Variants in CHD9 observed in about 807,000 individuals in gnomAD.
CHD9 encodes the protein ATP-dependent chromatin remodeler CHD9.
In CHD9, 77 loss-of-function variants were observed where a neutral mutation model predicts 316.1. The observed-to-expected ratio is 0.24, with a 90% CI of 0.20 to 0.29. CHD9 has a LOEUF of 0.29. Among genes scored for constraint, CHD9 ranks in the 10% least tolerant of loss-of-function variants. The probability of loss-of-function intolerance (pLI) is 1.00; values close to 1 mark genes in which losing one functional copy is unlikely to be tolerated. For missense variants in CHD9, 2,763 were observed against 3,438.1 expected (o/e 0.80, Z 4.91); for synonymous variants, 1,129 against 1,158.3 (o/e 0.97, Z 0.51).
intron 17 of CHD9, among the ~76,000 whole-genome samples, chr16:53,250,864 A>G (rs2050072482): frequency 6.6e-6 from 1 of 152,126 alleles, no homozygotes; most frequent in Non-Finnish European, 1.5e-5. Flanking sequence ...GAGAAGGGGA[A>G]AAGTAGAGTT....
At chr16:53,073,046 T>C (rs2152519607) in intron 1 of CHD9, among the ~76,000 whole-genome samples, 1 of 152,344 alleles carries the variant, frequency 6.6e-6, no homozygotes. Flanking sequence ...AATATATTCA[T>C]AGTGATGTGT....
At chr16:53,271,284 A>G (rs926044715) in intron 22 of CHD9, among the ~76,000 whole-genome samples, 1 of 152,194 alleles carries the variant, frequency 6.6e-6, no homozygotes, top group Non-Finnish European at 1.5e-5. Flanking sequence ...ACAAAAAACC[A>G]TTGGCTGGGC....
chr16:53,067,518 C>T (rs926824531), intron 1 of CHD9, among the ~76,000 whole-genome samples: 1 of 152,100 alleles, frequency 6.6e-6, no homozygotes, highest in African/African-American at 2.4e-5. Flanking sequence ...CTTAGTCTCC[C>T]ATTGACTGTG....
chr16:53,315,128 C>A, intron 36 of CHD9, 84 bp downstream of exon 36: 1 of 972,160 alleles, frequency 1.0e-6, no homozygotes, highest in Non-Finnish European at 1.5e-6. Flanking sequence ...TTCTCATCCA[C>A]TTATGCTAAA....
rs1212585905 is a variant in CHD9 at position 53,325,261 on chromosome 16, C to G, written c.*366C>G. The G allele has an allele frequency of 6.1e-6, 1 of 162,722 alleles. No individual in the cohort carries two copies. The highest frequency in any genetic ancestry group is 2.4e-5 in the African/African-American group (1 of 41,620). The allele number at this position is 162,722 out of a possible 1,614,324, so 10.1% of individuals were successfully genotyped here. On this transcript the variant is annotated 3_prime_UTR_variant, in exon 39 of 39. Transcript: ENST00000447540. ...ATTTAATTTGAATATAGTTTTACAGCCTCCTTGACACCTATAATTTACAGA... is the reference window on the plus strand; with the variant it reads ...ATTTAATTTGAATATAGTTTTACAGGCTCCTTGACACCTATAATTTACAGA...
chr16:53,209,918 G>A, intron 3 of CHD9, 105 bp downstream of exon 3: 1 of 778,190 alleles, frequency 1.3e-6, no homozygotes, highest in Non-Finnish European at 2.0e-6. Context: ...CCATATTTGA[G>A]TTTTAAATTG....
At position 53,172,950 on chromosome 16, in the gene CHD9, CT is replaced by C. The variant is rs1041751077; in HGVS notation, c.1452+15418del. 4.5e-4 allele frequency among the ~76,000 whole-genome samples: 68 copies of C among 150,904 alleles called. 1 individual carries two copies. The highest frequency in any genetic ancestry group is 1.6e-3 in the African/African-American group (65 of 41,112). On this transcript the variant is annotated intron_variant, in intron 2 of 38. Transcript: ENST00000447540. ...TATTTTCTCCCAGTCTGTGGGTTGC[CT>C]TTTTTTTTCTTAACAGCATGTTTTG...
chr16:53,208,329 G>A (rs2046045616), intron 2 of CHD9: 1 of 1,282,050 alleles, frequency 7.8e-7, no homozygotes, highest in African/African-American at 1.5e-5. Flanking sequence ...TGTCTTCAGT[G>A]AAGAGGCCAA....
At chr16:53,321,306 T>G (rs1231542958) in intron 37 of CHD9, 8 of 1,346,842 alleles carry the variant, frequency 5.9e-6, no homozygotes, top group Non-Finnish European at 7.7e-6. Flanking sequence ...CTAGTTATTC[T>G]ACTTAAAACA....
rs568768210 is a variant in CHD9, at chr16:53,261,233, A to G, written c.4210-1754A>G. Among the ~76,000 whole-genome samples the G allele has an allele frequency of 1.1e-4, 17 of 152,148 alleles. No homozygotes were observed. The East Asian group carries it at 3.3e-3, about 29-fold the overall frequency. ...GCTTTATTTTATATAAGCATCTTAA[A>G]AGCCAAACCTCAAAAGAATACTAGA... On this transcript the variant is annotated intron_variant, in intron 19 of 38. Coordinates refer to ENST00000447540, the MANE Select transcript of CHD9 (RefSeq NM_001308319.2).
chr16:53,104,922 C>T (rs147722141), intron 1 of CHD9, among the ~76,000 whole-genome samples: 99 of 151,980 alleles, frequency 6.5e-4, no homozygotes, highest in African/African-American at 2.0e-3. Flanking sequence ...GAGCCCCGAA[C>T]GCCTGGGCCC....
intron 3 of CHD9, among the ~76,000 whole-genome samples, chr16:53,220,130 G>A (rs1343596564): frequency 6.6e-6 from 1 of 152,126 alleles, no homozygotes; most frequent in East Asian, 1.9e-4. Context: ...GTGGTGAGAG[G>A]GAATGAAGTG....
chr16:53,181,115 A>G lies in CHD9; in HGVS notation c.1452+23574A>G, dbSNP rs568912728. ...AACCTCTGCCTTCCGGGTTCAAGCTATTCTCCTGCCTCAGCCTCCCGAGTA... is the reference window on the plus strand; with the variant it reads ...AACCTCTGCCTTCCGGGTTCAAGCTGTTCTCCTGCCTCAGCCTCCCGAGTA... On this transcript the variant is annotated intron_variant, in intron 2 of 38. Transcript: ENST00000447540. Among the ~76,000 whole-genome samples the G allele has an allele frequency of 1.7e-4, 26 of 149,454 alleles. No homozygotes were observed. In the South Asian group the frequency reaches 3.8e-3, roughly 22 times the overall value.
intron 1 of CHD9, among the ~76,000 whole-genome samples, chr16:53,074,883 C>T (rs1225987550): frequency 6.6e-6 from 1 of 152,226 alleles, no homozygotes; most frequent in Non-Finnish European, 1.5e-5. Context: ...CCTACTGGGA[C>T]ACTGCCTAGT....
chr16:53,225,530 A>G (rs919336658), intron 4 of CHD9, among the ~76,000 whole-genome samples: 3 of 152,172 alleles, frequency 2.0e-5, no homozygotes, highest in Admixed American at 6.5e-5. Flanking sequence ...AACAAATATT[A>G]GATATTTAGG....
Position 53,234,850 on chromosome 16 carries a change from T to C in CHD9, c.2512-335T>C, listed in dbSNP as rs138095252. Among the ~76,000 whole-genome samples, 257 of 152,272 alleles carry C rather than the reference T, an allele frequency of 1.7e-3. 2 individuals are homozygous for C. The highest frequency in any genetic ancestry group is 5.8e-3 in the African/African-American group (243 of 41,568). ...CAAAACCTACTTGGTCATGATCTTA[T>C]TGCCCTTATATATTGTTAAGTTCCA... On this transcript the variant is annotated intron_variant, in intron 10 of 38. Transcript: ENST00000447540.
chr16:53,296,764 T>TA (rs1277969096), intron 29 of CHD9, among the ~76,000 whole-genome samples, 192 bp from the exon 30 acceptor site: 2 of 151,828 alleles, frequency 1.3e-5, no homozygotes, highest in Non-Finnish European at 2.9e-5. Flanking sequence ...TAAATTTTTC[T>TA]AAAAAAAAGT....
intron 2 of CHD9, among the ~76,000 whole-genome samples, chr16:53,182,990 G>T (rs895968671): frequency 1.3e-5 from 2 of 152,126 alleles, no homozygotes; most frequent in African/African-American, 2.4e-5. Flanking sequence ...GTTTTAGGTT[G>T]CATGTCCTTT....
At chr16:53,099,768 T>C (rs1171863496) in intron 1 of CHD9, among the ~76,000 whole-genome samples, 1 of 152,088 alleles carries the variant, frequency 6.6e-6, no homozygotes, top group Non-Finnish European at 1.5e-5. Context: ...TTCCGTTCTC[T>C]CCATGACAGC....
Sources: gnomAD v4.1 joint callset for allele counts (sites outside exome capture counted in the v4.1 genomes callset) on GRCh38, gnomAD v4.1.1 for gene constraint, MANE v1.5 for transcripts, NCBI Gene and HGNC (gene_info 2026-07-23, HGNC 2026-07-21) for gene names.